SFT2D2: variants seen among roughly 807,000 people sequenced by gnomAD.
The protein encoded by SFT2D2 is vesicle transport protein SFT2B.
SFT2D2 carries 21 observed loss-of-function variants against 27.4 expected under a neutral mutation model. That is an observed-to-expected ratio of 0.77 (90% CI 0.54 to 1.10). The LOEUF (loss-of-function observed/expected upper bound fraction) is 1.10. Among genes scored for constraint, SFT2D2 ranks in the 50% least tolerant of loss-of-function variants. The probability of loss-of-function intolerance (pLI) is 0.00; values close to 1 mark genes in which losing one functional copy is unlikely to be tolerated. For synonymous variants in SFT2D2, 72 were observed against 71.7 expected (o/e 1.00, Z -0.02); for missense variants, 187 against 194.2 (o/e 0.96, Z 0.22).
At chr1:168,233,629 A>G (rs1341649810) in intron 3 of SFT2D2, among the ~76,000 whole-genome samples, 1 of 152,056 alleles carries the variant, frequency 6.6e-6, no homozygotes, top group African/African-American at 2.4e-5. Context: ...GCTTTCTCCA[A>G]TACTAACTTT....
rs1700454783 is a variant in SFT2D2, at chr1:168,226,064, T to A, written c.-16T>A. On this transcript the variant is annotated 5_prime_UTR_variant, in exon 1 of 8. Coordinates refer to ENST00000271375, the MANE Select transcript of SFT2D2 (RefSeq NM_199344.3). Reference sequence around the variant, plus strand: ...GCTGCCGCTGAGGAGCTGGAGCTGGTGGGGACTGGGCCGCAATGGACAAGC... The same window carrying A: ...GCTGCCGCTGAGGAGCTGGAGCTGGAGGGGACTGGGCCGCAATGGACAAGC... 1.3e-6 allele frequency: 2 copies of A among 1,518,752 alleles called. No homozygotes were observed. The highest frequency in any genetic ancestry group is 5.4e-5 in the East Asian group (2 of 36,854). The allele number at this position is 1,518,752 out of a possible 1,614,324, so 94.1% of individuals were successfully genotyped here.
intron 1 of SFT2D2, among the ~76,000 whole-genome samples, chr1:168,230,265 C>T (rs1199020630): frequency 6.6e-6 from 1 of 152,130 alleles, no homozygotes; most frequent in East Asian, 1.9e-4. Flanking sequence ...CTTCTTCCAT[C>T]AGCTGGGTGG....
rs542844559 is a variant in SFT2D2, at chr1:168,242,347, AC to A, written c.444-153del. Among the ~76,000 whole-genome samples the A allele has an allele frequency of 7.6e-4, 116 of 152,308 alleles. 1 individual carries two copies. The highest frequency in any genetic ancestry group is 6.8e-3 in the Middle Eastern group (2 of 294). ...CAAGGAACTTTCCCAGGATAGTACT[AC>A]TAATAAATGTTGAAGCTGCAGTTTG... is the stretch of plus-strand genomic sequence containing the variant. On this transcript the variant is annotated intron_variant, in intron 7 of 7. Transcript: ENST00000271375.
chr1:168,231,959 G>T (rs755819421), intron 3 of SFT2D2, 40 bp downstream of exon 3: 71 of 1,569,260 alleles, frequency 4.5e-5, no homozygotes, highest in Non-Finnish European at 6.1e-5. Context: ...CCAATCATTA[G>T]ATGGGAAAAT....
Position 168,242,513 on chromosome 1 carries a change from GA to G in SFT2D2, c.458del (p.Lys153SerfsTer15), listed in dbSNP as rs748895198. On this transcript the variant is annotated frameshift_variant, in exon 8 of 8. Coordinates refer to ENST00000271375, the MANE Select transcript of SFT2D2 (RefSeq NM_199344.3). LOFTEE classifies it high-confidence loss of function. ...FIPFARDAVK[K>X]CFAVCLA The stretch of plus-strand genomic sequence containing the variant: ...TTTTCTTTCCTAGGGATGCTGTGAA[GA>G]AGTGTTTTGCCGTGTGTCTTGCATA... 2 of 1,614,212 alleles carry G rather than the reference GA, an allele frequency of 1.2e-6. No homozygotes were observed. The highest frequency in any genetic ancestry group is 8.5e-7 in the Non-Finnish European group (1 of 1,180,036).
At chr1:168,241,840 A>G (rs1224681102) in intron 7 of SFT2D2, among the ~76,000 whole-genome samples, 2 of 152,056 alleles carry the variant, frequency 1.3e-5, no homozygotes, top group East Asian at 3.9e-4. Context: ...TCCCTCCCTT[A>G]TGTGACTCCC....
Position 168,236,574 on chromosome 1 carries a change from CCTTT to C in SFT2D2, c.319-11_319-8del. The C allele has an allele frequency of 1.2e-6, 2 of 1,607,958 alleles. No individual in the cohort carries two copies. The highest frequency in any genetic ancestry group is 1.7e-6 in the Non-Finnish European group (2 of 1,177,722). On this transcript the variant is annotated splice_polypyrimidine_tract_variant and intron_variant, in intron 4 of 7. Coordinates refer to ENST00000271375, the MANE Select transcript of SFT2D2 (RefSeq NM_199344.3). ...ATGTTATTGTCATTAATTAATGTTT[CCTTT>C]CTTCCTTTAGTTGTGTTTTGCACTT...
chr1:168,227,379 G>A (rs1700473113), intron 1 of SFT2D2, among the ~76,000 whole-genome samples: 1 of 152,146 alleles, frequency 6.6e-6, no homozygotes. Flanking sequence ...TTCTTTCTCA[G>A]CAAGCTGCTT....
At chr1:168,230,711 G>A (rs1276129575) in intron 1 of SFT2D2, among the ~76,000 whole-genome samples, 1 of 152,160 alleles carries the variant, frequency 6.6e-6, no homozygotes, top group African/African-American at 2.4e-5. Context: ...CTGACCTCAG[G>A]TGATGCGCCC....
In SFT2D2 at chr1:168,246,408, A is replaced by AT. The variant is rs1647812974; in HGVS notation, c.*3874dup. The AT allele has an allele frequency of 4.6e-6, 4 of 866,422 alleles. No homozygotes were observed. The highest frequency in any genetic ancestry group is 1.7e-5 in the South Asian group (1 of 58,584). The allele number at this position is 866,422 out of a possible 1,614,324, so 53.7% of individuals were successfully genotyped here. ...TACTTTATCTTGGCCACTTGTGTAC[A>AT]TTTTTTCAATGTCCTTCATTTGACA... On this transcript the variant is annotated 3_prime_UTR_variant, in exon 8 of 8. Coordinates refer to ENST00000271375, the MANE Select transcript of SFT2D2 (RefSeq NM_199344.3).
Position 168,235,104 on chromosome 1 carries a change from C to T in SFT2D2, c.240C>T (p.Thr80=). 6.2e-7 allele frequency: 1 copy of T among 1,614,138 alleles called. No homozygotes were observed. The change falls in exon 4 of 8, where the codon ACC becomes ACT. Residue 80 remains threonine (T), a synonymous_variant. Coordinates refer to ENST00000271375, the MANE Select transcript of SFT2D2 (RefSeq NM_199344.3). ...TGTGCGTGTGTTTGCCTTTTAGTAC[C>T]ATCTTCCTCATGGGACCAGTGAAAC... is the stretch of plus-strand genomic sequence containing the variant. ...TFGNIASIGS[T]IFLMGPVKQL...
At chr1:168,228,049 T>C (rs915178573) in intron 1 of SFT2D2, among the ~76,000 whole-genome samples, 2 of 152,262 alleles carry the variant, frequency 1.3e-5, no homozygotes, top group African/African-American at 4.8e-5. Context: ...TGCTTCGTTC[T>C]TGTTTTAAAA....
At chr1:168,231,791 TGG>T (rs772972127) in intron 2 of SFT2D2, 41 bp from the exon 3 acceptor site, 8 of 1,591,906 alleles carry the variant, frequency 5.0e-6, no homozygotes, top group Non-Finnish European at 6.0e-6. Context: ...TGTGGCCGGG[TGG>T]GAGGGTTGCT....
chr1:168,246,022 C>T lies in SFT2D2; in HGVS notation c.*3482C>T, dbSNP rs534574435. ...TCCTACATCTCACTTTCTCAATGGACGCAGTGACGCAATGAAGCATCCAGC... is the reference window on the plus strand; with the variant it reads ...TCCTACATCTCACTTTCTCAATGGATGCAGTGACGCAATGAAGCATCCAGC... On this transcript the variant is annotated 3_prime_UTR_variant, in exon 8 of 8. Coordinates refer to ENST00000271375, the MANE Select transcript of SFT2D2 (RefSeq NM_199344.3). 9 of 209,094 alleles carry T rather than the reference C, an allele frequency of 4.3e-5. 1 individual carries two copies. The highest frequency in any genetic ancestry group is 3.3e-4 in the East Asian group (2 of 5,984). The allele number at this position is 209,094 out of a possible 1,614,324, so 13.0% of individuals were successfully genotyped here. A position where few individuals can be genotyped will look rare whatever the true frequency, so the allele number is the denominator to read the frequency against.
chr1:168,237,031 A>G (rs993885281), intron 6 of SFT2D2, among the ~76,000 whole-genome samples: 1 of 152,186 alleles, frequency 6.6e-6, no homozygotes, highest in Non-Finnish European at 1.5e-5. Flanking sequence ...TGCTGAACTA[A>G]TGGTTGATTT....
chr1:168,229,806 G>A (rs1485277588), intron 1 of SFT2D2: 2 of 152,188 alleles, frequency 1.3e-5, no homozygotes, highest in Non-Finnish European at 2.9e-5. Flanking sequence ...GTCCGAAGTA[G>A]CCTGACTAGA....
chr1:168,231,612 C>T lies in SFT2D2; in HGVS notation c.150+12C>T, dbSNP rs765676016. ...TCTGCTCACTGCTGGTAAGATTTCC[C>T]TTCCTCCTCTGTCTTTTCCTTCTAC... On this transcript the variant is annotated intron_variant, in intron 2 of 7. Coordinates refer to ENST00000271375, the MANE Select transcript of SFT2D2 (RefSeq NM_199344.3). The T allele has an allele frequency of 1.2e-6, 2 of 1,611,206 alleles. No individual in the cohort carries two copies. Among genetic ancestry groups the T allele is most frequent in the South Asian group, 1.1e-5 (1 of 91,018 alleles).
rs767836872 is a variant in SFT2D2, at chr1:168,242,610, C to T, written c.*70C>T. 6 of 1,557,442 alleles carry T rather than the reference C, an allele frequency of 3.9e-6. No homozygotes were observed. In the Admixed American group the frequency reaches 5.0e-5, roughly 13 times the overall value. On this transcript the variant is annotated 3_prime_UTR_variant, in exon 8 of 8. Transcript: ENST00000271375. ...AGCTGGTGGACAGTTTTGTAACTAT[C>T]TTCGAAACCTCTGTCTTACAGACAT...
At chr1:168,231,671 C>T (rs945538921) in intron 2 of SFT2D2, 71 bp downstream of exon 2, 14 of 1,517,038 alleles carry the variant, frequency 9.2e-6, no homozygotes, top group South Asian at 6.7e-5. Flanking sequence ...TTTTGTCCAC[C>T]TCCTTTCCCC....
Sources: allele counts gnomAD v4.1 joint callset (sites outside exome capture counted in the v4.1 genomes callset), GRCh38; gene constraint gnomAD v4.1.1; transcripts MANE v1.5; gene names NCBI Gene and HGNC (gene_info 2026-07-23, HGNC 2026-07-21).